The following ACYP2 variants were observed in gnomAD, a reference collection of about 807,000 sequenced individuals.
ACYP2 encodes acylphosphatase-2.
A neutral mutation model predicts 11.2 loss-of-function variants in ACYP2; 12 were observed. The ratio of observed to expected loss-of-function variants is 1.08; its 90% confidence interval spans 0.69 to 1.74. ACYP2 has a LOEUF of 1.74. ACYP2 is among the 40% of genes most tolerant of loss of function. The pLI is 0.00. For missense variants in ACYP2, 134 were observed against 101.9 expected (o/e 1.31, Z -1.35); for synonymous variants, 43 against 32.2 (o/e 1.33, Z -1.13).
chr2:54,252,660 AAT>A (rs1387913691), intron 6 of ACYP2, among the ~76,000 whole-genome samples: 2 of 152,174 alleles, frequency 1.3e-5, no homozygotes, highest in Admixed American at 1.3e-4. Context: ...GCATAAAATA[AAT>A]ATGCCAATGG....
intron 6 of ACYP2, among the ~76,000 whole-genome samples, chr2:54,247,271 CATT>C (rs1197694036): frequency 6.6e-6 from 1 of 152,106 alleles, no homozygotes; most frequent in Non-Finnish European, 1.5e-5. Flanking sequence ...TCCAGCCTGC[CATT>C]GCTGACAAGC....
intron 6 of ACYP2, among the ~76,000 whole-genome samples, chr2:54,292,593 C>G (rs1573062505): frequency 6.6e-6 from 1 of 151,726 alleles, no homozygotes; most frequent in African/African-American, 2.4e-5. Flanking sequence ...ACAGTGCTGT[C>G]CTGTAGAATT....
chr2:54,006,251 G>A (rs1354613657), intron 2 of ACYP2, among the ~76,000 whole-genome samples: 1 of 151,980 alleles, frequency 6.6e-6, no homozygotes, highest in African/African-American at 2.4e-5. Flanking sequence ...GGGTTCAAGC[G>A]ATTCTCCTGC....
chr2:54,231,210 C>T (rs974069756), intron 6 of ACYP2, among the ~76,000 whole-genome samples: 3 of 152,184 alleles, frequency 2.0e-5, no homozygotes, highest in Non-Finnish European at 2.9e-5. Flanking sequence ...TGTACCCTGA[C>T]CACCTTGGGC....
chr2:54,130,414 G>A (rs1475020246), intron 4 of ACYP2, among the ~76,000 whole-genome samples: 1 of 152,196 alleles, frequency 6.6e-6, no homozygotes, highest in Non-Finnish European at 1.5e-5. Flanking sequence ...TTAGGGGGCT[G>A]TGGCAACCAG....
At chr2:54,205,465 A>G (rs1169917121) in intron 6 of ACYP2, among the ~76,000 whole-genome samples, 2 of 152,220 alleles carry the variant, frequency 1.3e-5, no homozygotes, top group African/African-American at 2.4e-5. Context: ...ATCAGTATAC[A>G]TTCTCCTCTC....
chr2:54,189,630 C>G (rs1684153109), intron 6 of ACYP2, among the ~76,000 whole-genome samples: 1 of 151,926 alleles, frequency 6.6e-6, no homozygotes. Flanking sequence ...CAGATTGTTT[C>G]TCTATCTTGG....
At chr2:54,133,064 C>A (rs1422987290) in intron 4 of ACYP2, among the ~76,000 whole-genome samples, 1 of 152,114 alleles carries the variant, frequency 6.6e-6, no homozygotes, top group Non-Finnish European at 1.5e-5. Context: ...TTAACAAATG[C>A]ATACAGTCAT....
In ACYP2 at chr2:54,115,768, C is replaced by T. The variant is rs775220983; in HGVS notation, c.278-19685C>T. ...CGGAAGAGTGCAGGGTAGGAGGCCC[C>T]TCTACGGTGGGAGATCAAAAAGGTT... is the stretch of plus-strand genomic sequence containing the variant. On this transcript the variant is annotated intron_variant, in intron 4 of 6. Transcript: ENST00000607452. The T allele has an allele frequency of 4.0e-5, 63 of 1,594,488 alleles. No homozygotes were observed. Among genetic ancestry groups the T allele is most frequent in the Non-Finnish European group, 5.3e-5 (62 of 1,171,136 alleles).
At chr2:54,028,430 C>A (rs1039209958) in intron 2 of ACYP2, among the ~76,000 whole-genome samples, 1 of 152,200 alleles carries the variant, frequency 6.6e-6, no homozygotes, top group Non-Finnish European at 1.5e-5. Context: ...TCCCCTCAGC[C>A]TCCTGGCTCT....
In ACYP2 at chr2:54,254,875, T is replaced by C. The variant is rs552060596; in HGVS notation, c.405-49813T>C. On this transcript the variant is annotated intron_variant, in intron 6 of 6. Transcript: ENST00000607452. ...GTTGCCCAAGCTCAGGTCCAGCTGGTGGTGGCAGGCAACCTTCTGCAGGAG... is the reference window on the plus strand; with the variant it reads ...GTTGCCCAAGCTCAGGTCCAGCTGGCGGTGGCAGGCAACCTTCTGCAGGAG... The C allele has an allele frequency of 5.1e-6, 8 of 1,573,590 alleles. No homozygotes were observed. The South Asian group carries it at 7.1e-5, about 14-fold the overall frequency.
chr2:54,079,647 T>G (rs1677537183), intron 4 of ACYP2, among the ~76,000 whole-genome samples: 1 of 152,170 alleles, frequency 6.6e-6, no homozygotes, highest in South Asian at 2.1e-4. Flanking sequence ...CATTGTTGAG[T>G]CCATATCAAG....
At chr2:54,235,667 T>C (rs200172698) in intron 6 of ACYP2, among the ~76,000 whole-genome samples, 1 of 152,202 alleles carries the variant, frequency 6.6e-6, no homozygotes, top group East Asian at 1.9e-4. Context: ...AGGGTTTTTT[T>C]TGGAAAGCTT....
chr2:54,101,216 G>A (rs1678874301), intron 4 of ACYP2, among the ~76,000 whole-genome samples: 1 of 152,196 alleles, frequency 6.6e-6, no homozygotes, highest in African/African-American at 2.4e-5. Context: ...CTCCAAGACT[G>A]CATGTGAATC....
Position 54,185,139 on chromosome 2 carries a change from A to G in ACYP2, c.404+46391A>G, listed in dbSNP as rs540576079. Reference sequence around the variant, plus strand: ...CCAACATCCATTCTATGCCAGGTCTATGGGTGCCCCTGATTAATCCAAGCA... The same window carrying G: ...CCAACATCCATTCTATGCCAGGTCTGTGGGTGCCCCTGATTAATCCAAGCA... On this transcript the variant is annotated intron_variant, in intron 6 of 6. Coordinates refer to ENST00000607452, the MANE Select transcript of ACYP2 (RefSeq NM_001320586.2). 3.9e-4 allele frequency among the ~76,000 whole-genome samples: 59 copies of G among 152,342 alleles called. 1 individual carries two copies. The South Asian group carries it at 0.011, about 29-fold the overall frequency.
At chr2:54,278,627 C>T (rs1688718604) in intron 6 of ACYP2, among the ~76,000 whole-genome samples, 1 of 152,122 alleles carries the variant, frequency 6.6e-6, no homozygotes, top group Non-Finnish European at 1.5e-5. Flanking sequence ...GCTTTTATGA[C>T]ATAGACAGTT....
At chr2:53,997,602 G>A (rs930957839) in intron 2 of ACYP2, among the ~76,000 whole-genome samples, 11 of 151,920 alleles carry the variant, frequency 7.2e-5, no homozygotes, top group Admixed American at 5.3e-4. Context: ...CACCGCACCC[G>A]GCCATATTTT....
intron 2 of ACYP2, among the ~76,000 whole-genome samples, chr2:54,015,414 A>G (rs923384162): frequency 6.6e-6 from 1 of 152,018 alleles, no homozygotes; most frequent in Non-Finnish European, 1.5e-5. Context: ...AGGCTGAGGC[A>G]GGAGACTCGC....
intron 4 of ACYP2, among the ~76,000 whole-genome samples, chr2:54,072,485 T>TC: frequency 3.5e-5 from 2 of 57,016 alleles, no homozygotes; most frequent in Admixed American, 1.7e-4. Flanking sequence ...TCTTTCTTTC[T>TC]TTTTTCTTTC....
Sources: allele counts gnomAD v4.1 joint callset (sites outside exome capture counted in the v4.1 genomes callset), GRCh38; gene constraint gnomAD v4.1.1; transcripts MANE v1.5; gene names NCBI Gene and HGNC (gene_info 2026-07-23, HGNC 2026-07-21).